BAIAP2: variants seen among roughly 807,000 people sequenced by gnomAD.
BAIAP2 encodes BAR/IMD domain-containing adapter protein 2.
In BAIAP2, 18 loss-of-function variants were observed where a neutral mutation model predicts 63.0. That is an observed-to-expected ratio of 0.29 (90% CI 0.20 to 0.42). The LOEUF (loss-of-function observed/expected upper bound fraction) is 0.42. BAIAP2 is among the 10% of genes least tolerant of loss of function. The pLI is 1.00. For synonymous variants in BAIAP2, 386 were observed against 307.6 expected (o/e 1.25, Z -2.67); for missense variants, 610 against 734.3 (o/e 0.83, Z 1.96).
intron 3 of BAIAP2, among the ~76,000 whole-genome samples, chr17:81,080,124 T>A (rs1160291046): frequency 6.6e-6 from 1 of 152,200 alleles, no homozygotes; most frequent in African/African-American, 2.4e-5. Context: ...TCACTGCTGA[T>A]CTTAGGGTCT....
chr17:81,037,939 C>T (rs1194059273), intron 1 of BAIAP2, among the ~76,000 whole-genome samples: 1 of 152,266 alleles, frequency 6.6e-6, no homozygotes, highest in Non-Finnish European at 1.5e-5. Context: ...TCTGGTGGCT[C>T]CATTCCCTTG....
At chr17:81,086,267 C>G (rs921953637) in intron 5 of BAIAP2, among the ~76,000 whole-genome samples, 176 bp from the exon 6 acceptor site, 2 of 152,128 alleles carry the variant, frequency 1.3e-5, no homozygotes, top group Non-Finnish European at 2.9e-5. Context: ...TGGGCTCTCC[C>G]CAACTCTGAT....
intron 3 of BAIAP2, among the ~76,000 whole-genome samples, chr17:81,072,109 G>A (rs1036185289): frequency 6.6e-6 from 1 of 152,198 alleles, no homozygotes; most frequent in Admixed American, 6.5e-5. Context: ...GGCTGTGGGT[G>A]CCGTGCCCTC....
At chr17:81,075,563 GTGCC>G (rs1370354383) in intron 3 of BAIAP2, among the ~76,000 whole-genome samples, 2 of 152,240 alleles carry the variant, frequency 1.3e-5, no homozygotes, top group Non-Finnish European at 2.9e-5. Context: ...TGTCAGAGCA[GTGCC>G]TGCCTCCTTG....
intron 3 of BAIAP2, chr17:81,083,553 C>G (rs2055007588): frequency 6.6e-6 from 1 of 152,200 alleles, no homozygotes; most frequent in East Asian, 1.9e-4. Context: ...CGTACCAACT[C>G]CAGGGTTAGC....
At chr17:81,057,133 GGGCC>G (rs1373685276) in intron 2 of BAIAP2, among the ~76,000 whole-genome samples, 2 of 152,202 alleles carry the variant, frequency 1.3e-5, no homozygotes, top group African/African-American at 2.4e-5. Context: ...CTGCTCTCCG[GGGCC>G]CTGCCCCGCC....
In BAIAP2 at chr17:81,090,280, C is replaced by A. The variant is rs563929238; in HGVS notation, c.489+3700C>A. 1.1e-3 allele frequency among the ~76,000 whole-genome samples: 161 copies of A among 152,314 alleles called. 2 individuals carry two copies. The highest frequency in any genetic ancestry group is 3.2e-3 in the African/African-American group (131 of 41,568). Reference sequence around the variant, plus strand: ...GCTTTCTCCCTCTTCTGAGCACTGACGGGAAGGGCTGTAGAGCCAGGATGA... The same window carrying A: ...GCTTTCTCCCTCTTCTGAGCACTGAAGGGAAGGGCTGTAGAGCCAGGATGA... On this transcript the variant is annotated intron_variant, in intron 6 of 13. Transcript: ENST00000428708.
chr17:81,116,449 C>T lies in BAIAP2; in HGVS notation c.*610C>T. 6 of 1,118,402 alleles carry T rather than the reference C, an allele frequency of 5.4e-6. No individual in the cohort carries two copies. The highest frequency in any genetic ancestry group is 7.5e-6 in the Non-Finnish European group (6 of 795,694). The allele number at this position is 1,118,402 out of a possible 1,614,324, so 69.3% of individuals were successfully genotyped here. ...GTCACAAGGGCCTCCCCAGGCCCCT[C>T]CTGCCTCGGGCAGGCCCCAGCCCTC... On this transcript the variant is annotated 3_prime_UTR_variant, in exon 14 of 14. Transcript: ENST00000428708.
chr17:81,070,643 C>T (rs2052447323), intron 3 of BAIAP2, among the ~76,000 whole-genome samples: 1 of 152,158 alleles, frequency 6.6e-6, no homozygotes, highest in African/African-American at 2.4e-5. Flanking sequence ...GTCGCTCAAC[C>T]CGTGGGGAGA....
chr17:81,052,440 G>A (rs1191796371), intron 1 of BAIAP2, among the ~76,000 whole-genome samples: 2 of 152,246 alleles, frequency 1.3e-5, no homozygotes, highest in East Asian at 3.9e-4. Flanking sequence ...GAAGGAAGGA[G>A]CACCTGCCCT....
intron 13 of BAIAP2, chr17:81,109,835 C>G (rs897515509): frequency 1.0e-6 from 1 of 985,272 alleles, no homozygotes; most frequent in Non-Finnish European, 1.2e-6. Flanking sequence ...CTTTGACCAG[C>G]CTTGTGAGGG....
intron 1 of BAIAP2, among the ~76,000 whole-genome samples, chr17:81,039,038 G>T (rs1276657040): frequency 1.3e-5 from 2 of 152,254 alleles, no homozygotes; most frequent in Admixed American, 1.3e-4. Context: ...ATACTTCCTG[G>T]GGTGGCCCCC....
intron 6 of BAIAP2, among the ~76,000 whole-genome samples, chr17:81,090,735 C>G (rs1234187707): frequency 2.0e-5 from 3 of 152,240 alleles, no homozygotes; most frequent in Non-Finnish European, 2.9e-5. Flanking sequence ...CGTACGCGCC[C>G]CCCGAGCTGC....
chr17:81,062,211 A>G (rs541852616), intron 3 of BAIAP2, among the ~76,000 whole-genome samples: 1 of 152,286 alleles, frequency 6.6e-6, no homozygotes, highest in East Asian at 1.9e-4. Context: ...TCGGCCTCCC[A>G]GAGTGCTGAG....
chr17:81,062,002 G>A (rs914031528), intron 3 of BAIAP2, among the ~76,000 whole-genome samples: 1 of 152,192 alleles, frequency 6.6e-6, no homozygotes, highest in Non-Finnish European at 1.5e-5. Context: ...GAGTGCAGGG[G>A]TGCAATCTCG....
intron 13 of BAIAP2, among the ~76,000 whole-genome samples, chr17:81,113,119 C>T (rs1227200670): frequency 6.6e-6 from 1 of 152,190 alleles, no homozygotes; most frequent in Non-Finnish European, 1.5e-5. Flanking sequence ...TGCTTAGGGG[C>T]CTCTGAGGGG....
At chr17:81,041,004 C>T (rs1426744171) in intron 1 of BAIAP2, among the ~76,000 whole-genome samples, 2 of 152,228 alleles carry the variant, frequency 1.3e-5, no homozygotes, top group Admixed American at 6.5e-5. Context: ...TGGGGATCTG[C>T]CTCTGGCGGG....
At chr17:81,092,535 C>T (rs1456115173) in intron 6 of BAIAP2, among the ~76,000 whole-genome samples, 1 of 151,836 alleles carries the variant, frequency 6.6e-6, no homozygotes, top group East Asian at 1.9e-4. Flanking sequence ...CGGGGGCCTC[C>T]TGTTGTTCAA....
intron 6 of BAIAP2, among the ~76,000 whole-genome samples, chr17:81,091,792 C>T (rs1206477634): frequency 2.0e-5 from 3 of 152,222 alleles, no homozygotes; most frequent in Admixed American, 6.5e-5. Flanking sequence ...TGCCTCCCTG[C>T]GGTTCCCAAG....
Sources: allele counts gnomAD v4.1 joint callset (sites outside exome capture counted in the v4.1 genomes callset), GRCh38; gene constraint gnomAD v4.1.1; transcripts MANE v1.5; gene names NCBI Gene and HGNC (gene_info 2026-07-23, HGNC 2026-07-21).